The following DYNC1I1 variants were observed in gnomAD, a reference collection of about 807,000 sequenced individuals.
The protein encoded by DYNC1I1 is dynein cytoplasmic 1 intermediate chain 1, also known as cytoplasmic dynein 1 intermediate chain 1.
A neutral mutation model predicts 86.6 loss-of-function variants in DYNC1I1; 43 were observed. The ratio of observed to expected loss-of-function variants is 0.50; its 90% CI spans 0.39 to 0.64. DYNC1I1 has a LOEUF of 0.64. DYNC1I1 is among the 30% of genes least tolerant of loss of function. DYNC1I1 has a pLI of 0.00. For missense variants in DYNC1I1, 604 were observed against 788.8 expected (o/e 0.77, Z 2.81); for synonymous variants, 262 against 283.7 (o/e 0.92, Z 0.77).
intron 6 of DYNC1I1, among the ~76,000 whole-genome samples, chr7:95,934,648 AC>A (rs1562948491): frequency 6.6e-6 from 1 of 152,064 alleles, no homozygotes; most frequent in Non-Finnish European, 1.5e-5. Flanking sequence ...ACTGGAAGAG[AC>A]TTTAAGTTCA....
chr7:95,921,858 C>A (rs1791618872), intron 6 of DYNC1I1, among the ~76,000 whole-genome samples: 2 of 152,136 alleles, frequency 1.3e-5, no homozygotes, highest in South Asian at 4.1e-4. Context: ...ATAGTTTAGT[C>A]ATTTTGAAAG....
At chr7:96,045,539 T>G (rs1336180134) in intron 14 of DYNC1I1, among the ~76,000 whole-genome samples, 3 of 152,126 alleles carry the variant, frequency 2.0e-5, no homozygotes, top group African/African-American at 7.2e-5. Context: ...GAAATAGGAC[T>G]TTTTACTGGA....
At chr7:95,827,986 T>A (rs1648224725) in intron 4 of DYNC1I1, 71 bp from the exon 5 acceptor site, 5 of 1,511,828 alleles carry the variant, frequency 3.3e-6, no homozygotes, top group Non-Finnish European at 4.6e-6. Context: ...AATGACATAG[T>A]TTGGTTTGGT....
chr7:95,976,368 A>G (rs536651948), intron 6 of DYNC1I1, among the ~76,000 whole-genome samples: 2 of 152,302 alleles, frequency 1.3e-5, no homozygotes, highest in East Asian at 1.9e-4. Context: ...CTTGCTTAAT[A>G]TTAGTTAGAA....
At chr7:95,909,679 A>T (rs1791276944) in intron 6 of DYNC1I1, among the ~76,000 whole-genome samples, 1 of 152,142 alleles carries the variant, frequency 6.6e-6, no homozygotes, top group South Asian at 2.1e-4. Flanking sequence ...CTCTTTTTTT[A>T]AGGAAAAATT....
At chr7:95,999,927 A>C (rs1216139115) in intron 10 of DYNC1I1, among the ~76,000 whole-genome samples, 1 of 152,222 alleles carries the variant, frequency 6.6e-6, no homozygotes, top group Non-Finnish European at 1.5e-5. Context: ...CAAATCTACA[A>C]AACGGCTGTG....
chr7:95,911,597 A>G (rs528853594), intron 6 of DYNC1I1, among the ~76,000 whole-genome samples: 1 of 152,316 alleles, frequency 6.6e-6, no homozygotes, highest in African/African-American at 2.4e-5. Context: ...TTGAAACACT[A>G]GGGAAGCAGG....
rs886647745 is a variant in DYNC1I1, at chr7:95,827,471, G to A, written c.315-586G>A. Among the ~76,000 whole-genome samples, 11 of 152,166 alleles carry A rather than the reference G, an allele frequency of 7.2e-5. No individual in the cohort carries two copies. In the South Asian group the frequency reaches 1.2e-3, roughly 17 times the overall value. On this transcript the variant is annotated intron_variant, in intron 4 of 16. Transcript: ENST00000447467. ...AAAATATAAGATATAATCAATCCCT[G>A]ACATCTTAGACAGAAATGATATTGT...
intron 14 of DYNC1I1, among the ~76,000 whole-genome samples, chr7:96,040,346 AG>A (rs1165634891): frequency 6.6e-6 from 1 of 152,238 alleles, no homozygotes; most frequent in Non-Finnish European, 1.5e-5. Context: ...ACAATAATCT[AG>A]GAAAGAAATG....
At chr7:95,938,590 T>A (rs890144112) in intron 6 of DYNC1I1, among the ~76,000 whole-genome samples, 1 of 152,216 alleles carries the variant, frequency 6.6e-6, no homozygotes, top group African/African-American at 2.4e-5. Flanking sequence ...CTTTTTCACC[T>A]TGGACAAGTT....
intron 14 of DYNC1I1, among the ~76,000 whole-genome samples, chr7:96,068,997 A>T (rs1184707864): frequency 6.6e-6 from 1 of 152,104 alleles, no homozygotes. Flanking sequence ...ATTCTACTTT[A>T]TTTGCTCATT....
chr7:95,849,170 C>G (rs1366513922), intron 5 of DYNC1I1, among the ~76,000 whole-genome samples: 1 of 152,020 alleles, frequency 6.6e-6, no homozygotes, highest in African/African-American at 2.4e-5. Context: ...CCATTTTGTA[C>G]ATTGTCTCTT....
chr7:96,006,552 A>G (rs1467278817), intron 10 of DYNC1I1, among the ~76,000 whole-genome samples: 1 of 152,204 alleles, frequency 6.6e-6, no homozygotes, highest in Non-Finnish European at 1.5e-5. Context: ...TGCCTTTAGA[A>G]CATTCCAATG....
intron 15 of DYNC1I1, among the ~76,000 whole-genome samples, chr7:96,076,808 A>G (rs1355823470): frequency 6.6e-6 from 1 of 152,198 alleles, no homozygotes; most frequent in African/African-American, 2.4e-5. Flanking sequence ...ATAGATTTTA[A>G]CATGTCACAT....
At chr7:95,839,309 A>G (rs998356895) in intron 5 of DYNC1I1, among the ~76,000 whole-genome samples, 3 of 152,046 alleles carry the variant, frequency 2.0e-5, no homozygotes, top group Admixed American at 2.0e-4. Context: ...GGGATTACAG[A>G]TGTGAGCCAC....
intron 13 of DYNC1I1, among the ~76,000 whole-genome samples, chr7:96,037,638 AT>A (rs543987118): frequency 7.9e-5 from 12 of 152,026 alleles, no homozygotes; most frequent in African/African-American, 2.9e-4. Flanking sequence ...TAATTTCCAG[AT>A]TTTTTTCATT....
At chr7:95,902,918 T>C (rs914272429) in intron 6 of DYNC1I1, among the ~76,000 whole-genome samples, 4 of 152,202 alleles carry the variant, frequency 2.6e-5, no homozygotes, top group Non-Finnish European at 1.5e-5. Flanking sequence ...TCTTATTCCA[T>C]GGAGAACAGT....
At chr7:96,084,527 A>G (rs1032847991) in intron 16 of DYNC1I1, among the ~76,000 whole-genome samples, 1 of 150,472 alleles carries the variant, frequency 6.6e-6, no homozygotes, top group African/African-American at 2.4e-5. Context: ...GGTTCAAGCA[A>G]TTCTCCTGCC....
chr7:95,893,459 G>A (rs931908677), intron 6 of DYNC1I1, among the ~76,000 whole-genome samples: 8 of 152,158 alleles, frequency 5.3e-5, no homozygotes, highest in Admixed American at 1.3e-4. Flanking sequence ...GCTTGCAAAC[G>A]TCTAGACTTT....
Sources: allele counts gnomAD v4.1 joint callset (sites outside exome capture counted in the v4.1 genomes callset), GRCh38; gene constraint gnomAD v4.1.1; transcripts MANE v1.5; gene names NCBI Gene and HGNC (gene_info 2026-07-23, HGNC 2026-07-21).